Variants in LRTM3 observed in about 807,000 individuals in gnomAD.
The protein encoded by LRTM3 is leucine rich repeat transmembrane protein 3.
At chr13:102,738,736 T>G in the LRTM3 span, 452 of 1,550,658 alleles carry the variant, frequency 2.9e-4, no homozygotes, top group Non-Finnish European at 3.7e-4. Context: ...CCTCTCCTTC[T>G]ATTGTGCCCA....
At chr13:102,755,949 ATATATATATATAT>A in the LRTM3 span, among the ~76,000 whole-genome samples, 2 of 59,690 alleles carry the variant, frequency 3.4e-5, no homozygotes, top group Non-Finnish European at 7.8e-5. Flanking sequence ...ATACATATAT[ATATATATATATAT>A]TTTTTTTTTT....
the LRTM3 span, chr13:102,742,637 T>C: frequency 1.9e-6 from 3 of 1,550,508 alleles, no homozygotes; most frequent in Admixed American, 2.0e-5. Flanking sequence ...CTCCTTATTA[T>C]TGCTTACAAC....
the LRTM3 span, among the ~76,000 whole-genome samples, chr13:102,757,067 A>T: frequency 6.6e-6 from 1 of 152,148 alleles, no homozygotes. Flanking sequence ...CACCATGCAC[A>T]CCTAAGCCCT....
the LRTM3 span, chr13:102,745,787 T>G: frequency 5.8e-6 from 9 of 1,551,086 alleles, no homozygotes; most frequent in East Asian, 2.2e-4. Flanking sequence ...TTCCCCAGAC[T>G]TTAGAGGTGA....
chr13:102,738,145 C>T, the LRTM3 span: 1 of 1,551,042 alleles, frequency 6.4e-7, no homozygotes, highest in South Asian at 1.2e-5. Context: ...ATGGTAGGTC[C>T]TGTGAAAGTG....
chr13:102,750,454 G>T, the LRTM3 span: 2 of 948,304 alleles, frequency 2.1e-6, no homozygotes, highest in Admixed American at 5.9e-5. Context: ...ATTACCTTTA[G>T]ATTTAAGAAA....
chr13:102,746,761 T>G, the LRTM3 span: 13 of 1,551,220 alleles, frequency 8.4e-6, no homozygotes, highest in Non-Finnish European at 1.1e-5. Flanking sequence ...AGTAACCCAT[T>G]TCTCTTGTAT....
At chr13:102,749,191 T>C in the LRTM3 span, 1 of 1,550,706 alleles carries the variant, frequency 6.4e-7, no homozygotes, top group African/African-American at 1.4e-5. Context: ...GAAATACTTG[T>C]GAAGTTGGTG....
At chr13:102,741,350 A>C in the LRTM3 span, 1 of 1,549,538 alleles carries the variant, frequency 6.5e-7, no homozygotes, top group Middle Eastern at 1.7e-4. Flanking sequence ...TTCAGAATCC[A>C]GAATACTTTC....
chr13:102,734,286 C>G, the LRTM3 span: 1 of 1,551,382 alleles, frequency 6.4e-7, no homozygotes. Context: ...GCTGTTTTCT[C>G]TGTATCTGGT....
the LRTM3 span, chr13:102,742,844 G>C: frequency 6.4e-7 from 1 of 1,550,690 alleles, no homozygotes; most frequent in East Asian, 2.4e-5. Context: ...TTTTAAAACA[G>C]AATGGCCAAT....
At chr13:102,733,941 T>C in the LRTM3 span, 23 of 1,551,224 alleles carry the variant, frequency 1.5e-5, no homozygotes, top group South Asian at 2.6e-4. Context: ...ACATGGAGAG[T>C]TCGCTGTGGA....
the LRTM3 span, chr13:102,742,348 G>A: frequency 1.1e-4 from 170 of 1,548,044 alleles, no homozygotes; most frequent in South Asian, 1.9e-3. Context: ...TATGTCTTAT[G>A]ATTTTAGGAG....
the LRTM3 span, chr13:102,730,616 G>C: frequency 6.4e-7 from 1 of 1,552,048 alleles, no homozygotes; most frequent in Non-Finnish European, 8.7e-7. Flanking sequence ...GGTTGGCTGT[G>C]GGAATTTTCT....
At chr13:102,743,027 G>C in the LRTM3 span, 5 of 1,546,260 alleles carry the variant, frequency 3.2e-6, no homozygotes, top group Non-Finnish European at 4.4e-6. Context: ...CTGACTTTTT[G>C]AGAAAAAAGT....
chr13:102,748,416 C>T, the LRTM3 span: 1 of 1,551,212 alleles, frequency 6.4e-7, no homozygotes, highest in East Asian at 2.4e-5. Flanking sequence ...AACTCCAGAA[C>T]AAGTTCCAAA....
the LRTM3 span, chr13:102,759,016 C>T: frequency 1.3e-6 from 1 of 756,516 alleles, no homozygotes; most frequent in Non-Finnish European, 2.1e-6. Flanking sequence ...CCTCGGTATG[C>T]CCAACTCATA....
the LRTM3 span, chr13:102,729,905 T>G: frequency 2.6e-6 from 4 of 1,552,010 alleles, no homozygotes; most frequent in Non-Finnish European, 2.6e-6. Flanking sequence ...AGACTTGCCT[T>G]GGTTTTTTGC....
chr13:102,732,375 T>C, the LRTM3 span: 8 of 1,551,452 alleles, frequency 5.2e-6, no homozygotes, highest in East Asian at 7.3e-5. Context: ...ATATTAAGCA[T>C]CTGTGGAATT....
Sources: gnomAD v4.1 joint callset for allele counts (sites outside exome capture counted in the v4.1 genomes callset) on GRCh38, gnomAD v4.1.1 for gene constraint, MANE v1.5 for transcripts, NCBI Gene and HGNC (gene_info 2026-07-23, HGNC 2026-07-21) for gene names.